The following MAST3 variants were observed in gnomAD, a reference collection of about 807,000 sequenced individuals.
MAST3 encodes microtubule-associated serine/threonine-protein kinase 3.
Under a neutral mutation model 127.0 loss-of-function variants are expected in MAST3, and 43 were observed. The observed-to-expected ratio is 0.34, with a 90% CI of 0.27 to 0.44. The LOEUF is 0.44. Among genes scored for constraint, MAST3 ranks in the 20% least tolerant of loss-of-function variants. The probability of loss-of-function intolerance (pLI) is 1.00; values close to 1 mark genes in which losing one functional copy is unlikely to be tolerated. For synonymous variants in MAST3, 785 were observed against 809.2 expected, an observed-to-expected ratio of 0.97 and a Z score of 0.51; for missense variants, 1,390 against 1,919.1, an observed-to-expected ratio of 0.72 and a Z score of 5.15.
At position 18,145,250 on chromosome 19, in the gene MAST3, G is replaced by T; in HGVS notation, c.3039+21G>T. ...TCTGGGTGAGTGCCGAGTGGGAATG[G>T]CAGGGACCCGGGTTCTAGTTTGACT... is the stretch of plus-strand genomic sequence containing the variant. On this transcript the variant is annotated intron_variant, in intron 24 of 27. Transcript: ENST00000687212. The surrounding 1 kb of genome is among the most constrained non-coding windows in gnomAD (Gnocchi z 5.9). 6.2e-7 allele frequency: 1 copy of T among 1,606,316 alleles called. No homozygotes were observed. The highest frequency in any genetic ancestry group is 1.1e-5 in the South Asian group (1 of 90,952).
chr19:18,139,055 C>G lies in MAST3; in HGVS notation c.2136C>G (p.Asp712Glu). The change falls in exon 20 of 28, where the codon GAC becomes GAG. Residue 712 changes from aspartate (D) to glutamate (E), a missense_variant. Around this residue, in one of 5 missense-constraint regions of MAST3, gnomAD observed 816 missense variants for 934.1 expected, o/e 0.87. Coordinates refer to ENST00000687212, the MANE Select transcript of MAST3 (RefSeq NM_001393504.1). ...ACCGCCATCTGGGCTCCGAGGACGA[C>G]GAGACCAATGATGAAGAATCGTCCA... ...ERYRHLGSED[D>E]ETNDEESSTE... The G allele has an allele frequency of 2.5e-6, 4 of 1,602,610 alleles. No individual in the cohort carries two copies. Among genetic ancestry groups the G allele is most frequent in the Non-Finnish European group, 3.4e-6 (4 of 1,174,742 alleles).
chr19:18,137,454 G>C (rs1394471992), intron 19 of MAST3, 93 bp downstream of exon 19: 1 of 1,405,504 alleles, frequency 7.1e-7, no homozygotes, highest in Non-Finnish European at 9.7e-7. Flanking sequence ...CATTCCACCC[G>C]AGCTTGGCAC....
At chr19:18,103,139 C>T (rs1020138333) in intron 1 of MAST3, among the ~76,000 whole-genome samples, 8 of 152,092 alleles carry the variant, frequency 5.3e-5, no homozygotes, top group Non-Finnish European at 1.0e-4. Context: ...GTGCGGGGAC[C>T]GAAGGGTCCG....
At chr19:18,123,084 G>A (rs2040189785) in intron 6 of MAST3, 133 bp from the exon 7 acceptor site, 2 of 958,162 alleles carry the variant, frequency 2.1e-6, no homozygotes, top group African/African-American at 3.2e-5. Context: ...GGGATGCATA[G>A]GAGCTAGGCA....
In MAST3 at chr19:18,141,865, T is replaced by C; in HGVS notation, c.2206-17T>C. ...GCCACCGCACCCGGCTTACCATTCTTTTGTCTTGCCTCCCAGGTCTACAGC... is the reference window on the plus strand; with the variant it reads ...GCCACCGCACCCGGCTTACCATTCTCTTGTCTTGCCTCCCAGGTCTACAGC... On this transcript the variant is annotated splice_polypyrimidine_tract_variant and intron_variant, in intron 20 of 27. Transcript: ENST00000687212. 1 of 1,398,864 alleles carries C rather than the reference T, an allele frequency of 7.1e-7. No homozygotes were observed. Among genetic ancestry groups the C allele is most frequent in the Non-Finnish European group, 9.4e-7 (1 of 1,060,046 alleles). The allele number at this position is 1,398,864 out of a possible 1,614,324, so 86.7% of individuals were successfully genotyped here. A position where few individuals can be genotyped will look rare whatever the true frequency, so the allele number is the denominator to read the frequency against.
chr19:18,098,717 C>T, intron 1 of MAST3: 1 of 456,678 alleles, frequency 2.2e-6, no homozygotes, highest in South Asian at 1.5e-5. Flanking sequence ...AAGAAGCCAC[C>T]AAGTTTTCAG....
At chr19:18,134,544 C>A in intron 15 of MAST3, 35 bp from the exon 16 acceptor site, 3 of 1,582,630 alleles carry the variant, frequency 1.9e-6, no homozygotes, top group Non-Finnish European at 1.7e-6. Context: ...CACCCCAGCC[C>A]CCCAGCTCTG....
At chr19:18,141,859 C>A (rs1169442418) in intron 20 of MAST3, 23 bp from the exon 21 acceptor site, 5 of 1,387,948 alleles carry the variant, frequency 3.6e-6, no homozygotes, top group Non-Finnish European at 4.7e-6. Context: ...CCCGGCTTAC[C>A]ATTCTTTTGT....
intron 27 of MAST3, among the ~76,000 whole-genome samples, chr19:18,148,032 A>G (rs1429605961): frequency 6.6e-6 from 1 of 151,780 alleles, no homozygotes; most frequent in African/African-American, 2.4e-5. Flanking sequence ...CCGGGCATGG[A>G]GGCTCACACC....
Position 18,110,450 on chromosome 19 carries a change from C to T in MAST3, c.72-202C>T, listed in dbSNP as rs527260487. The T allele has an allele frequency of 2.0e-6, 2 of 977,902 alleles. No individual in the cohort carries two copies. Among genetic ancestry groups the T allele is most frequent in the South Asian group, 9.5e-5 (2 of 21,158 alleles). The allele number at this position is 977,902 out of a possible 1,614,324, so 60.6% of individuals were successfully genotyped here. ...CCTCCCCCCACGTCTCTGTTCGTGTCGCCCAGAAACGCACCGCCGCCTCCG... is the reference window on the plus strand; with the variant it reads ...CCTCCCCCCACGTCTCTGTTCGTGTTGCCCAGAAACGCACCGCCGCCTCCG... On this transcript the variant is annotated intron_variant, in intron 2 of 27. Transcript: ENST00000687212. The surrounding 1 kb of genome is among the most constrained non-coding windows in gnomAD (Gnocchi z 4.3).
At position 18,145,865 on chromosome 19, in the gene MAST3, G is replaced by A. The variant is rs756263626; in HGVS notation, c.3162G>A (p.Lys1054=). The A allele has an allele frequency of 6.3e-7, 1 of 1,589,584 alleles. No homozygotes were observed. Among genetic ancestry groups the A allele is most frequent in the Non-Finnish European group, 8.5e-7 (1 of 1,169,964 alleles). ...TGGACGTCGTGGAGCTGCTGCTGAA[G>A]GTGCGGCACCCCCACTGCCCACCCT... is the stretch of plus-strand genomic sequence containing the variant. ...VHMDVVELLL[K]SGNKISLRTT... The change falls in exon 25 of 28, where the codon AAG becomes AAA. Residue 1054 remains lysine (K), a splice_region_variant and synonymous_variant. Transcript: ENST00000687212. This position sits in a 1 kb window ranked among gnomAD's most constrained non-coding sequence, Gnocchi z 5.9.
chr19:18,145,820 A>G lies in MAST3; in HGVS notation c.3117A>G (p.Ser1039=), dbSNP rs373161740. 1.4e-5 allele frequency: 22 copies of G among 1,593,378 alleles called. No homozygotes were observed. The highest frequency in any genetic ancestry group is 1.8e-5 in the Non-Finnish European group (21 of 1,173,000). Reference sequence around the variant, plus strand: ...TCATCACCCACATCAACGGGGAGTCAGTGCTGGGGCTGGTGCACATGGACG... The same window carrying G: ...TCATCACCCACATCAACGGGGAGTCGGTGCTGGGGCTGGTGCACATGGACG... ...GDLITHINGE[S]VLGLVHMDVV... Residue 1039 remains serine, a synonymous_variant, in exon 25 of 28, where the codon TCA becomes TCG. Transcript: ENST00000687212. The surrounding 1 kb of genome is among the most constrained non-coding windows in gnomAD (Gnocchi z 5.9).
At chr19:18,123,531 T>TG in intron 7 of MAST3, 49 bp from the exon 8 acceptor site, 1 of 1,483,724 alleles carries the variant, frequency 6.7e-7, no homozygotes. Context: ...CATCCTCCCC[T>TG]GGGGTTGGTC....
chr19:18,128,582 G>A (rs1041838401), intron 12 of MAST3, 124 bp downstream of exon 12: 2 of 1,063,084 alleles, frequency 1.9e-6, no homozygotes, highest in Middle Eastern at 2.2e-4. Context: ...GGTGACTTTG[G>A]AGGCAAGGTG....
intron 1 of MAST3, 53 bp downstream of exon 1, chr19:18,097,884 C>A: frequency 8.3e-7 from 1 of 1,206,438 alleles, no homozygotes; most frequent in Non-Finnish European, 1.0e-6. Flanking sequence ...CAAGTGGACG[C>A]GGCCTGAAAG....
chr19:18,132,456 A>T (rs1599813721), intron 15 of MAST3, among the ~76,000 whole-genome samples: 1 of 152,322 alleles, frequency 6.6e-6, no homozygotes, highest in East Asian at 1.9e-4. Flanking sequence ...GAACAGGATT[A>T]TGCAATTTGC....
At chr19:18,141,732 CTTT>C (rs2042514623) in intron 20 of MAST3, 147 bp from the exon 21 acceptor site, 2 of 533,314 alleles carry the variant, frequency 3.8e-6, no homozygotes, top group Non-Finnish European at 5.7e-6. Context: ...CTTTTTTTTT[CTTT>C]TTTTGAGACA....
intron 5 of MAST3, among the ~76,000 whole-genome samples, 155 bp from the exon 6 acceptor site, chr19:18,122,518 G>A (rs573961958): frequency 1.3e-5 from 2 of 152,272 alleles, no homozygotes; most frequent in East Asian, 3.9e-4. Context: ...AGAGCATGCA[G>A]TGGACTTGGT....
At chr19:18,122,807 C>A in intron 6 of MAST3, 56 bp downstream of exon 6, 1 of 1,532,646 alleles carries the variant, frequency 6.5e-7, no homozygotes, top group Non-Finnish European at 8.9e-7. Flanking sequence ...TGTGGGGGGA[C>A]ACATCTTTGT....
Sources: gnomAD v4.1 joint callset for allele counts (sites outside exome capture counted in the v4.1 genomes callset) on GRCh38, gnomAD v4.1.1 for gene constraint, gnomAD v4.1.1 regional missense constraint, Gnocchi (gnomAD v3.1) non-coding constraint, MANE v1.5 for transcripts, NCBI Gene and HGNC (gene_info 2026-07-23, HGNC 2026-07-21) for gene names.